Variants in RIT2 observed in about 807,000 individuals in gnomAD.
The protein encoded by RIT2 is Ras like without CAAX 2.
A neutral mutation model predicts 23.7 loss-of-function variants in RIT2; 24 were observed. That is an observed-to-expected ratio of 1.01 (90% confidence interval 0.73 to 1.43). RIT2 has a LOEUF of 1.43. RIT2 is among the 40% of genes most tolerant of loss of function. The pLI, the probability that RIT2 is intolerant of heterozygous loss-of-function variation, is 0.00. For synonymous variants in RIT2, 107 were observed against 91.1 expected (o/e 1.17, Z -0.99); for missense variants, 236 against 266.9 (o/e 0.88, Z 0.81).
chr18:43,067,953 A>C (rs1912808707), intron 1 of RIT2, among the ~76,000 whole-genome samples: 1 of 152,148 alleles, frequency 6.6e-6, no homozygotes, highest in African/African-American at 2.4e-5. Context: ...CTGAGAGAGA[A>C]AATAATTAAG....
chr18:43,045,583 T>G (rs985723424), intron 1 of RIT2, among the ~76,000 whole-genome samples: 15 of 152,188 alleles, frequency 9.9e-5, no homozygotes, highest in Admixed American at 7.2e-4. Context: ...CTAAGCATTT[T>G]CTTTTGTTTG....
intron 4 of RIT2, among the ~76,000 whole-genome samples, chr18:42,856,323 G>A (rs139959968): frequency 5.3e-5 from 8 of 152,290 alleles, no homozygotes; most frequent in African/African-American, 1.9e-4. Context: ...AACAATCTAG[G>A]CAGACATGCC....
At chr18:43,070,573 A>G (rs538384457) in intron 1 of RIT2, among the ~76,000 whole-genome samples, 135 of 152,340 alleles carry the variant, frequency 8.9e-4, no homozygotes, top group Non-Finnish European at 1.7e-3. Flanking sequence ...CAGGTCACAC[A>G]GGATGTGTTT....
intron 4 of RIT2, among the ~76,000 whole-genome samples, chr18:42,808,733 A>G (rs1414511200): frequency 6.6e-6 from 1 of 152,158 alleles, no homozygotes; most frequent in Non-Finnish European, 1.5e-5. Context: ...AAATGGTAGG[A>G]CATGTAATTT....
rs777127147 is a variant in RIT2 at position 42,743,687 on chromosome 18, C to A, written c.460G>T (p.Glu154Ter). 1.2e-6 allele frequency: 2 copies of A among 1,613,762 alleles called. No individual in the cohort carries two copies. Among genetic ancestry groups the A allele is most frequent in the South Asian group, 2.2e-5 (2 of 91,042 alleles). ...GTCTCAAAAAAACCACAATTATATT[C>A]TTGGGCAAGACTCAAGCCTTCTTCT... The part of the protein sequence containing the change: ...STEEGLSLAQ[E>*]YNCGFFETSA... The change falls in exon 5 of 5, where the codon GAA becomes TAA. Residue 154 changes from glutamate to a stop codon, truncating the protein, a stop_gained. Transcript: ENST00000326695. LOFTEE classifies it high-confidence loss of function.
At chr18:43,094,497 G>A (rs1393535610) in intron 1 of RIT2, among the ~76,000 whole-genome samples, 1 of 151,906 alleles carries the variant, frequency 6.6e-6, no homozygotes, top group African/African-American at 2.4e-5. Context: ...GACTTTCAAG[G>A]AAACAGGATT....
intron 3 of RIT2, among the ~76,000 whole-genome samples, chr18:42,924,868 G>A (rs1909142672): frequency 6.6e-6 from 1 of 152,044 alleles, no homozygotes; most frequent in African/African-American, 2.4e-5. Flanking sequence ...GTAGATCCAG[G>A]AACTTTGGAA....
At chr18:42,833,707 A>C (rs775054239) in intron 4 of RIT2, among the ~76,000 whole-genome samples, 2 of 152,198 alleles carry the variant, frequency 1.3e-5, no homozygotes, top group Non-Finnish European at 2.9e-5. Context: ...TAGAGAAGTG[A>C]CTTGTTCAAT....
intron 1 of RIT2, among the ~76,000 whole-genome samples, chr18:43,074,986 C>A (rs753767444): frequency 6.6e-6 from 1 of 152,126 alleles, no homozygotes; most frequent in Admixed American, 6.5e-5. Flanking sequence ...ATGCAGCAAA[C>A]CACCATTGTA....
intron 4 of RIT2, among the ~76,000 whole-genome samples, chr18:42,821,842 C>T (rs1249768629): frequency 6.6e-6 from 1 of 152,100 alleles, no homozygotes; most frequent in South Asian, 2.1e-4. Flanking sequence ...CAGTTCCTAA[C>T]CTCACAGAGC....
At chr18:42,987,797 AAC>A (rs1388335633) in intron 2 of RIT2, among the ~76,000 whole-genome samples, 1 of 152,172 alleles carries the variant, frequency 6.6e-6, no homozygotes, top group Non-Finnish European at 1.5e-5. Context: ...GGCCTCAGGA[AAC>A]ACACTCATGG....
At chr18:42,820,347 T>C (rs73951761) in intron 4 of RIT2, among the ~76,000 whole-genome samples, 2,654 of 152,044 alleles carry the variant, frequency 0.017, 98 homozygotes, top group African/African-American at 0.06. Context: ...AGTGTTTAGG[T>C]AGAAGGCAGA....
At chr18:43,072,995 C>T (rs182954162) in intron 1 of RIT2, among the ~76,000 whole-genome samples, 16 of 152,250 alleles carry the variant, frequency 1.1e-4, no homozygotes, top group African/African-American at 3.1e-4. Flanking sequence ...ATACCCTTTC[C>T]GTATGTTTCA....
intron 4 of RIT2, among the ~76,000 whole-genome samples, chr18:42,814,997 C>G (rs1186372035): frequency 6.6e-6 from 1 of 152,144 alleles, no homozygotes; most frequent in African/African-American, 2.4e-5. Flanking sequence ...AGGGGAACAT[C>G]CCGTGGGAAA....
intron 4 of RIT2, among the ~76,000 whole-genome samples, chr18:42,815,266 A>G (rs755479958): frequency 8.5e-5 from 13 of 152,320 alleles, no homozygotes; most frequent in Admixed American, 1.3e-4. Flanking sequence ...AGATAGCATC[A>G]ATAAAGAACA....
chr18:43,014,250 C>T (rs1394185101), intron 2 of RIT2, among the ~76,000 whole-genome samples: 1 of 151,666 alleles, frequency 6.6e-6, no homozygotes, highest in African/African-American at 2.4e-5. Context: ...CACATAGATT[C>T]ACTTTTTGAA....
At chr18:42,992,623 T>A (rs1205131306) in intron 2 of RIT2, among the ~76,000 whole-genome samples, 2 of 152,088 alleles carry the variant, frequency 1.3e-5, no homozygotes, top group Non-Finnish European at 1.5e-5. Flanking sequence ...CCTCCCCTCC[T>A]CACACCCAGT....
intron 2 of RIT2, among the ~76,000 whole-genome samples, chr18:42,987,673 T>C (rs1910743008): frequency 6.6e-6 from 1 of 152,202 alleles, no homozygotes. Context: ...AGTTTATTTG[T>C]GTCGCTATAA....
intron 1 of RIT2, among the ~76,000 whole-genome samples, chr18:43,050,511 T>C (rs914161028): frequency 4.6e-5 from 7 of 152,092 alleles, no homozygotes; most frequent in African/African-American, 1.7e-4. Context: ...TTTTGGTATA[T>C]ATTGGTTTGC....
Sources: gnomAD v4.1 joint callset for allele counts (sites outside exome capture counted in the v4.1 genomes callset) on GRCh38, gnomAD v4.1.1 for gene constraint, MANE v1.5 for transcripts, NCBI Gene and HGNC (gene_info 2026-07-23, HGNC 2026-07-21) for gene names.